Variants in CCT6B observed in about 807,000 individuals in gnomAD.
CCT6B encodes chaperonin containing TCP1 subunit 6B, also known as probable T-complex protein 1 subunit zeta-2.
In CCT6B, 49 loss-of-function variants were observed where a neutral mutation model predicts 61.5. The observed-to-expected ratio is 0.80, with a 90% CI of 0.63 to 1.01. The LOEUF (loss-of-function observed/expected upper bound fraction) is 1.01, where lower values mean the gene tolerates loss of function less well. Among genes scored for constraint, CCT6B ranks in the 50% least tolerant of loss-of-function variants. The probability of loss-of-function intolerance (pLI) is 0.00; values close to 1 mark genes in which losing one functional copy is unlikely to be tolerated. For missense variants in CCT6B, 666 were observed against 634.7 expected, an observed-to-expected ratio of 1.05 and a Z score of -0.53; for synonymous variants, 228 against 214.5, an observed-to-expected ratio of 1.06 and a Z score of -0.55.
intron 7 of CCT6B, among the ~76,000 whole-genome samples, chr17:34,941,502 C>G (rs569069042): frequency 6.6e-6 from 1 of 152,276 alleles, no homozygotes; most frequent in South Asian, 2.1e-4. Context: ...ATGGCAGATA[C>G]AAGTTTTCTG....
At chr17:34,931,404 C>T (rs1240532733) in intron 11 of CCT6B, among the ~76,000 whole-genome samples, 2 of 152,130 alleles carry the variant, frequency 1.3e-5, no homozygotes, top group South Asian at 2.1e-4. Flanking sequence ...CCTCTAGTGC[C>T]GCTAGCCACA....
chr17:34,936,075 C>T (rs974473722), intron 10 of CCT6B, among the ~76,000 whole-genome samples: 12 of 152,010 alleles, frequency 7.9e-5, no homozygotes, highest in Non-Finnish European at 1.6e-4. Context: ...CTCAGCCTCA[C>T]GAGAAGCTGA....
At chr17:34,947,747 C>T (rs1267581765) in intron 5 of CCT6B, among the ~76,000 whole-genome samples, 1 of 151,906 alleles carries the variant, frequency 6.6e-6, no homozygotes, top group East Asian at 1.9e-4. Context: ...TTTGGGAGGC[C>T]AAGGTAGGTG....
chr17:34,954,417 A>G lies in CCT6B; in HGVS notation c.510+9T>C, dbSNP rs781224265. On this transcript the variant is annotated intron_variant, in intron 4 of 13. Transcript: ENST00000314144. Reference sequence around the variant, plus strand: ...TATTTGTTCTGAATGCAAAAGTTTAATAACATACCTCTGTTAAGACATCAG... The same window carrying G: ...TATTTGTTCTGAATGCAAAAGTTTAGTAACATACCTCTGTTAAGACATCAG... 2 of 1,586,304 alleles carry G rather than the reference A, an allele frequency of 1.3e-6. No homozygotes were observed. The highest frequency in any genetic ancestry group is 1.2e-5 in the South Asian group (1 of 86,078).
intron 3 of CCT6B, among the ~76,000 whole-genome samples, chr17:34,957,434 G>A (rs770839375): frequency 1.1e-4 from 16 of 152,082 alleles, no homozygotes; most frequent in Non-Finnish European, 1.8e-4. Context: ...GTGAGCCACC[G>A]CACCTGGCCT....
intron 3 of CCT6B, 116 bp from the exon 4 acceptor site, chr17:34,954,715 A>G: frequency 1.4e-6 from 1 of 730,894 alleles, no homozygotes; most frequent in East Asian, 2.9e-5. Flanking sequence ...CATGAAATAT[A>G]AGTGTACATA....
At chr17:34,953,947 C>A (rs1320827226) in intron 4 of CCT6B, among the ~76,000 whole-genome samples, 1 of 152,108 alleles carries the variant, frequency 6.6e-6, no homozygotes, top group Non-Finnish European at 1.5e-5. Flanking sequence ...GAGTAAGACT[C>A]TGTCTCAAAT....
chr17:34,942,492 T>A lies in CCT6B; in HGVS notation c.877A>T (p.Asn293Tyr), dbSNP rs1306366189. 2 of 1,587,116 alleles carry A rather than the reference T, an allele frequency of 1.3e-6. No homozygotes were observed. Among genetic ancestry groups the A allele is most frequent in the East Asian group, 2.3e-5 (1 of 44,126 alleles). Residue 293 changes from asparagine to tyrosine, a missense_variant, in exon 7 of 14, where the codon AAT (asparagine) becomes TAT (tyrosine). Transcript: ENST00000314144. The stretch of plus-strand genomic sequence containing the variant: ...TAAACTTTCTTTCTCACCTTTTGAT[T>A]AATGACGACAAATCCTTTATTTGAC... ...AQSNKGFVVI[N>Y]QKGIDPFSLD...
At chr17:34,939,109 G>T in intron 10 of CCT6B, 74 bp downstream of exon 10, 1 of 1,147,970 alleles carries the variant, frequency 8.7e-7, no homozygotes, top group Non-Finnish European at 1.3e-6. Flanking sequence ...ACATACATAG[G>T]TGTGTGTGTA....
In CCT6B at chr17:34,954,908, A is replaced by G. The variant is rs533126212; in HGVS notation, c.337-309T>C. ...AAAAGATTCCTTTCAATGCAGAGGA[A>G]AAGAACCACCACTGAATTGGGGAAA... is the stretch of plus-strand genomic sequence containing the variant. On this transcript the variant is annotated intron_variant, in intron 3 of 13. Transcript: ENST00000314144. 2.7e-4 allele frequency among the ~76,000 whole-genome samples: 41 copies of G among 152,332 alleles called. 1 individual carries two copies. In the South Asian group the frequency reaches 8.3e-3, roughly 31 times the overall value.
At chr17:34,943,615 G>T (rs886111874) in intron 5 of CCT6B, 3 of 152,066 alleles carry the variant, frequency 2.0e-5, no homozygotes, top group East Asian at 1.9e-4. Flanking sequence ...GGCCTGTTGT[G>T]GGGTGGGGGA....
Position 34,954,533 on chromosome 17 carries a change from C to G in CCT6B, c.403G>C (p.Glu135Gln). 1 of 1,613,738 alleles carries G rather than the reference C, an allele frequency of 6.2e-7. No homozygotes were observed. Among genetic ancestry groups the G allele is most frequent in the Admixed American group, 1.7e-5 (1 of 59,996 alleles). ...AAKIKALEVL[E>Q]EVKVTKEMKR... ...ATCTCCTTTGTCACTTTAACTTCCT[C>G]CAAAACTTCAAGTGCTTTTATCTTT... The change falls in exon 4 of 14, where the codon GAG becomes CAG. Residue 135 changes from glutamate (E) to glutamine (Q), a missense_variant. Transcript: ENST00000314144.
At chr17:34,951,431 C>T (rs1271157649) in intron 5 of CCT6B, among the ~76,000 whole-genome samples, 1 of 152,030 alleles carries the variant, frequency 6.6e-6, no homozygotes, top group East Asian at 1.9e-4. Context: ...GTGGAAATTC[C>T]CTATTCTGTT....
At chr17:34,932,221 A>T in intron 11 of CCT6B, 146 bp downstream of exon 11, 1 of 687,702 alleles carries the variant, frequency 1.5e-6, no homozygotes, top group Non-Finnish European at 2.2e-6. Flanking sequence ...TCCCTGCTTT[A>T]GTTGTAAAAT....
In CCT6B at chr17:34,952,039, A is replaced by G; in HGVS notation, c.525T>C (p.Ser175=). The change falls in exon 5 of 14, where the codon TCT becomes TCC. Residue 175 remains serine (S), a synonymous_variant. Coordinates refer to ENST00000314144, the MANE Select transcript of CCT6B (RefSeq NM_006584.4). ...AACCTGGTCTTCTAACAGCCAAAAC[A>G]GAATCCACCACAACCTGAAAGAGAA... is the stretch of plus-strand genomic sequence containing the variant. ...ADVLTEVVVD[S]VLAVRRPGYP... 6.2e-7 allele frequency: 1 copy of G among 1,601,382 alleles called. No homozygotes were observed. Among genetic ancestry groups the G allele is most frequent in the South Asian group, 1.1e-5 (1 of 90,338 alleles).
intron 2 of CCT6B, among the ~76,000 whole-genome samples, 193 bp from the exon 3 acceptor site, chr17:34,958,887 T>C (rs1351775288): frequency 6.6e-6 from 1 of 152,206 alleles, no homozygotes; most frequent in Non-Finnish European, 1.5e-5. Context: ...TAATGAGGCC[T>C]GAACATTTCA....
At chr17:34,947,424 A>G (rs761169426) in intron 5 of CCT6B, among the ~76,000 whole-genome samples, 74 of 152,230 alleles carry the variant, frequency 4.9e-4, no homozygotes, top group Admixed American at 1.8e-3. Flanking sequence ...TAAAGGACTC[A>G]TGGCTATAAA....
intron 5 of CCT6B, among the ~76,000 whole-genome samples, chr17:34,947,289 T>C (rs948548782): frequency 6.6e-6 from 1 of 152,256 alleles, no homozygotes. Flanking sequence ...AGATAAACGA[T>C]AGCACTCAAA....
intron 3 of CCT6B, among the ~76,000 whole-genome samples, chr17:34,955,908 T>C (rs2090342649): frequency 6.6e-6 from 1 of 152,186 alleles, no homozygotes; most frequent in African/African-American, 2.4e-5. Flanking sequence ...AACCAGGTTG[T>C]TTAAACCCAT....
Sources: gnomAD v4.1 joint callset for allele counts (sites outside exome capture counted in the v4.1 genomes callset) on GRCh38, gnomAD v4.1.1 for gene constraint, MANE v1.5 for transcripts, NCBI Gene and HGNC (gene_info 2026-07-23, HGNC 2026-07-21) for gene names.